Variants in RPAP2 observed in about 807,000 individuals in gnomAD.
The protein encoded by RPAP2 is RNA polymerase II associated protein 2.
Under a neutral mutation model 73.1 loss-of-function variants are expected in RPAP2, and 52 were observed. The observed-to-expected ratio is 0.71, with a 90% CI of 0.57 to 0.90. The LOEUF (loss-of-function observed/expected upper bound fraction) is 0.90, where lower values mean the gene tolerates loss of function less well. Among genes scored for constraint, RPAP2 ranks in the 40% least tolerant of loss-of-function variants. RPAP2 has a pLI of 0.00. For missense variants in RPAP2, 598 were observed against 701.8 expected, an observed-to-expected ratio of 0.85 and a Z score of 1.67; for synonymous variants, 225 against 242.1, an observed-to-expected ratio of 0.93 and a Z score of 0.65.
intron 9 of RPAP2, among the ~76,000 whole-genome samples, chr1:92,335,640 T>A (rs1413415450): frequency 1.3e-5 from 2 of 152,172 alleles, no homozygotes; most frequent in Non-Finnish European, 2.9e-5. Context: ...CATGTTTTTA[T>A]AAAAATAGGA....
chr1:92,376,155 A>T (rs549294120), intron 11 of RPAP2, among the ~76,000 whole-genome samples: 34 of 152,202 alleles, frequency 2.2e-4, no homozygotes, highest in Non-Finnish European at 4.4e-4. Flanking sequence ...TAAGTAATGT[A>T]GAAATGATTT....
At position 92,346,419 on chromosome 1, in the gene RPAP2, C is replaced by T. The variant is rs578070597; in HGVS notation, c.1688+505C>T. ...ACTCAAGAGAGCCACCTGCCTCTAC[C>T]TCCCAAACTGCTAGGATTATAGGCA... is the stretch of plus-strand genomic sequence containing the variant. On this transcript the variant is annotated intron_variant, in intron 11 of 12. Coordinates refer to ENST00000610020, the MANE Select transcript of RPAP2 (RefSeq NM_024813.3). 2.5e-4 allele frequency among the ~76,000 whole-genome samples: 38 copies of T among 152,310 alleles called. No individual in the cohort carries two copies. In the East Asian group the frequency reaches 3.3e-3, roughly 13 times the overall value.
intron 12 of RPAP2, among the ~76,000 whole-genome samples, chr1:92,381,941 C>T (rs1156593652): frequency 3.9e-4 from 52 of 134,694 alleles, no homozygotes; most frequent in Non-Finnish European, 8.0e-4. Context: ...CACAACAGTC[C>T]CCGGTGTGTG....
At chr1:92,386,714 T>C (rs888646998) in intron 12 of RPAP2, among the ~76,000 whole-genome samples, 1 of 152,182 alleles carries the variant, frequency 6.6e-6, no homozygotes, top group African/African-American at 2.4e-5. Flanking sequence ...TTTTGGGTTT[T>C]TTTTGAGATG....
rs1236499336 is a variant in RPAP2 at position 92,300,404 on chromosome 1, A to G, written c.119+165A>G. Among the ~76,000 whole-genome samples the G allele has an allele frequency of 3.3e-5, 5 of 152,090 alleles. No homozygotes were observed. The East Asian group carries it at 7.7e-4, about 23-fold the overall frequency. On this transcript the variant is annotated intron_variant, in intron 2 of 12. Coordinates refer to ENST00000610020, the MANE Select transcript of RPAP2 (RefSeq NM_024813.3). ...TATAAATTCTCACATAGACTGTTAC[A>G]TTCCTCTACTCCAGGCTTTAAGAAA...
intron 11 of RPAP2, among the ~76,000 whole-genome samples, chr1:92,376,049 T>C (rs1026636682): frequency 6.6e-6 from 1 of 150,838 alleles, no homozygotes; most frequent in African/African-American, 2.4e-5. Flanking sequence ...AAAAACTGCA[T>C]CTGCTTTGAA....
In RPAP2 at chr1:92,323,469, G is replaced by C. The variant is rs752220922; in HGVS notation, c.549G>C (p.Gln183His). ...EQSGHSGEEV[Q>H]LCSKAIKTSD... Reference sequence around the variant, plus strand: ...GTGGCCATTCTGGAGAAGAAGTACAGTTATGCAGTAAAGCCATTAAAACAT... The same window carrying C: ...GTGGCCATTCTGGAGAAGAAGTACACTTATGCAGTAAAGCCATTAAAACAT... The change falls in exon 8 of 13, where the codon CAG (glutamine) becomes CAC (histidine). Residue 183 changes from glutamine to histidine, a missense_variant. Physicochemically the swap from Gln to His is conservative, Grantham distance 24. Transcript: ENST00000610020. The C allele has an allele frequency of 1.2e-6, 2 of 1,607,758 alleles. No individual in the cohort carries two copies. Among genetic ancestry groups the C allele is most frequent in the South Asian group, 2.2e-5 (2 of 90,254 alleles).
chr1:92,380,690 A>G, intron 11 of RPAP2, 34 bp from the exon 12 acceptor site: 1 of 1,489,136 alleles, frequency 6.7e-7, no homozygotes, highest in Non-Finnish European at 8.9e-7. Flanking sequence ...TTATCATTTC[A>G]TGGATATGCA....
Position 92,328,856 on chromosome 1 carries a change from C to T in RPAP2, c.1455+4481C>T, listed in dbSNP as rs182978968. Among the ~76,000 whole-genome samples the T allele has an allele frequency of 1.9e-3, 293 of 152,330 alleles. 1 individual carries two copies. The highest frequency in any genetic ancestry group is 3.4e-3 in the Non-Finnish European group (228 of 68,022). ...GGGTGCTCCCTTGATTTGGTGCTCT[C>T]CTCCTTCCCCTAGGGATGGGGCTTC... On this transcript the variant is annotated intron_variant, in intron 8 of 12. Transcript: ENST00000610020.
chr1:92,339,334 C>T (rs1286564564), intron 10 of RPAP2, among the ~76,000 whole-genome samples: 1 of 149,010 alleles, frequency 6.7e-6, no homozygotes, highest in South Asian at 2.2e-4. Context: ...CCACAACCGC[C>T]CCCCAATCCC....
intron 11 of RPAP2, among the ~76,000 whole-genome samples, chr1:92,373,755 A>T (rs1021788169): frequency 9.6e-5 from 14 of 146,032 alleles, no homozygotes; most frequent in Admixed American, 4.1e-4. Flanking sequence ...AAAAAAAAAA[A>T]AAAAAAAAAA....
chr1:92,317,505 C>CA (rs893205291), intron 6 of RPAP2, among the ~76,000 whole-genome samples: 4 of 150,408 alleles, frequency 2.7e-5, no homozygotes, highest in Non-Finnish European at 5.9e-5. Context: ...GACTCTGTCT[C>CA]AAAAAAAATA....
intron 5 of RPAP2, among the ~76,000 whole-genome samples, chr1:92,306,601 C>T (rs1261599360): frequency 6.6e-6 from 1 of 152,038 alleles, no homozygotes; most frequent in Admixed American, 6.6e-5. Context: ...GTGGCTCACA[C>T]CTATAATTCC....
rs1402896730 is a variant in RPAP2, at chr1:92,400,410, C to G, written c.*13399C>G. The G allele has an allele frequency of 6.6e-6, 1 of 152,380 alleles. No individual in the cohort carries two copies. The highest frequency in any genetic ancestry group is 1.9e-4 in the East Asian group (1 of 5,198). 9.4% of individuals were successfully genotyped at this position (152,380 alleles called of 1,614,324 possible). ...TCATAGCTCACTATAGCCTCAGACT[C>G]CTGGCCTCAAGCGATCCTCCCACCT... On this transcript the variant is annotated 3_prime_UTR_variant, in exon 13 of 13. Coordinates refer to ENST00000610020, the MANE Select transcript of RPAP2 (RefSeq NM_024813.3).
At chr1:92,373,739 T>TAAAAAAAA (rs59586077) in intron 11 of RPAP2, among the ~76,000 whole-genome samples, 21 of 80,534 alleles carry the variant, frequency 2.6e-4, no homozygotes, top group Non-Finnish European at 4.4e-4. Flanking sequence ...CTACTAAAAA[T>TAAAAAAAA]AAAAAAAAAA....
At position 92,398,727 on chromosome 1, in the gene RPAP2, C is replaced by A. The variant is rs1020758993; in HGVS notation, c.*11716C>A. The stretch of plus-strand genomic sequence containing the variant: ...TGCTCCAGTGTGCATGCACTCTCAT[C>A]AAAGCCCTAGTCAGGAATCCCAGCC... On this transcript the variant is annotated 3_prime_UTR_variant, in exon 13 of 13. Transcript: ENST00000610020. The A allele has an allele frequency of 6.6e-6, 1 of 152,218 alleles. No individual in the cohort carries two copies. Among genetic ancestry groups the A allele is most frequent in the Non-Finnish European group, 1.5e-5 (1 of 68,076 alleles). 9.4% of individuals were successfully genotyped at this position (152,218 alleles called of 1,614,324 possible).
At chr1:92,320,760 C>A in intron 7 of RPAP2, 126 bp downstream of exon 7, 1 of 609,434 alleles carries the variant, frequency 1.6e-6, no homozygotes, top group South Asian at 2.9e-5. Context: ...CCCATTCTAG[C>A]CCACACAAAG....
intron 10 of RPAP2, among the ~76,000 whole-genome samples, chr1:92,344,635 G>C (rs1020048783): frequency 6.6e-6 from 1 of 151,954 alleles, no homozygotes; most frequent in Non-Finnish European, 1.5e-5. Flanking sequence ...TATATAAATA[G>C]CTGGGCTGTT....
chr1:92,356,099 CT>C (rs999475428), intron 11 of RPAP2, among the ~76,000 whole-genome samples: 1 of 151,862 alleles, frequency 6.6e-6, no homozygotes, highest in African/African-American at 2.4e-5. Flanking sequence ...AACTGTGGGC[CT>C]TTTTTTCCTC....
Sources: allele counts gnomAD v4.1 joint callset (sites outside exome capture counted in the v4.1 genomes callset), GRCh38; gene constraint gnomAD v4.1.1; transcripts MANE v1.5; gene names NCBI Gene and HGNC (gene_info 2026-07-23, HGNC 2026-07-21).